The following DGKI variants were observed in gnomAD, a reference collection of about 807,000 sequenced individuals.
DGKI encodes the protein DAG kinase iota.
DGKI carries 55 observed loss-of-function variants against 147.5 expected under a neutral mutation model. That is an observed-to-expected ratio of 0.37 (90% CI 0.30 to 0.47). DGKI has a LOEUF of 0.47. Among genes scored for constraint, DGKI ranks in the 20% least tolerant of loss-of-function variants. The pLI is 1.00. For missense variants in DGKI, 1,007 were observed against 1,323.8 expected (o/e 0.76, Z 3.71); for synonymous variants, 469 against 477.1 (o/e 0.98, Z 0.22).
chr7:137,635,236 T>C (rs2129003222), intron 6 of DGKI, among the ~76,000 whole-genome samples: 1 of 152,240 alleles, frequency 6.6e-6, no homozygotes, highest in African/African-American at 2.4e-5. Context: ...TCCAATAGCA[T>C]GGGTGGCCAG....
chr7:137,562,625 G>A (rs1818454509), intron 19 of DGKI, among the ~76,000 whole-genome samples: 1 of 152,126 alleles, frequency 6.6e-6, no homozygotes, highest in Non-Finnish European at 1.5e-5. Context: ...TATCCAGAAT[G>A]GAGGGGGGAT....
chr7:137,792,270 A>C (rs867827583), intron 1 of DGKI, among the ~76,000 whole-genome samples: 1 of 152,194 alleles, frequency 6.6e-6, no homozygotes. Context: ...ACAGAATATG[A>C]GAAATCAATA....
chr7:137,615,598 TCTG>T (rs1820505780), intron 8 of DGKI, among the ~76,000 whole-genome samples: 2 of 151,670 alleles, frequency 1.3e-5, no homozygotes, highest in Admixed American at 6.6e-5. Flanking sequence ...AACATTTTAC[TCTG>T]CTATTCTCCA....
chr7:137,457,072 A>G (rs1172164256), intron 27 of DGKI, among the ~76,000 whole-genome samples: 1 of 152,246 alleles, frequency 6.6e-6, no homozygotes, highest in African/African-American at 2.4e-5. Context: ...AGTCAAGAAG[A>G]AAAAGAAGAA....
intron 23 of DGKI, among the ~76,000 whole-genome samples, chr7:137,482,798 T>C (rs1165391600): frequency 6.6e-6 from 1 of 152,042 alleles, no homozygotes; most frequent in Non-Finnish European, 1.5e-5. Flanking sequence ...AATTCTGGGC[T>C]TCTTGGATCT....
At chr7:137,638,569 C>T (rs1346963788) in intron 6 of DGKI, among the ~76,000 whole-genome samples, 6 of 14,508 alleles carry the variant, frequency 4.1e-4, no homozygotes, top group South Asian at 2.2e-3. Flanking sequence ...TATATACACA[C>T]ATATATGTAT....
At chr7:137,435,195 G>A (rs938833973) in intron 28 of DGKI, among the ~76,000 whole-genome samples, 2 of 152,180 alleles carry the variant, frequency 1.3e-5, no homozygotes, top group Non-Finnish European at 2.9e-5. Context: ...GCACAGAATA[G>A]GGCAATGTCT....
chr7:137,803,241 T>C (rs1040496990), intron 1 of DGKI, among the ~76,000 whole-genome samples: 1 of 152,130 alleles, frequency 6.6e-6, no homozygotes. Context: ...CCAGTTTTGC[T>C]GGGTTGTAGA....
At chr7:137,634,872 G>C (rs1191186727) in intron 6 of DGKI, among the ~76,000 whole-genome samples, 1 of 152,104 alleles carries the variant, frequency 6.6e-6, no homozygotes, top group Non-Finnish European at 1.5e-5. Flanking sequence ...CCTCCTCATG[G>C]GCATAACTTC....
intron 2 of DGKI, among the ~76,000 whole-genome samples, chr7:137,681,845 G>A (rs1029213128): frequency 6.6e-6 from 1 of 152,232 alleles, no homozygotes; most frequent in Non-Finnish European, 1.5e-5. Context: ...TTTGTCTGGC[G>A]GCCTTGGGCC....
At chr7:137,434,268 T>G (rs1813196806) in intron 28 of DGKI, among the ~76,000 whole-genome samples, 1 of 152,198 alleles carries the variant, frequency 6.6e-6, no homozygotes, top group African/African-American at 2.4e-5. Context: ...TGCAATGCTG[T>G]AGGTAAATTT....
At chr7:137,493,561 C>T (rs1357943749) in intron 21 of DGKI, among the ~76,000 whole-genome samples, 1 of 152,168 alleles carries the variant, frequency 6.6e-6, no homozygotes, top group African/African-American at 2.4e-5. Flanking sequence ...TTGAGCTGAG[C>T]ATTGGCCCCC....
chr7:137,647,751 C>A (rs1183400248), intron 5 of DGKI, among the ~76,000 whole-genome samples: 1 of 152,208 alleles, frequency 6.6e-6, no homozygotes, highest in East Asian at 1.9e-4. Flanking sequence ...GCCTACTCAA[C>A]CGATAAGATG....
intron 23 of DGKI, among the ~76,000 whole-genome samples, chr7:137,471,958 A>C: frequency 7.8e-6 from 1 of 129,030 alleles, no homozygotes; most frequent in East Asian, 2.1e-4. Context: ...TGTATATATT[A>C]TATATTATAT....
chr7:137,685,939 A>G (rs917166522), intron 2 of DGKI, among the ~76,000 whole-genome samples: 1 of 152,040 alleles, frequency 6.6e-6, no homozygotes, highest in African/African-American at 2.4e-5. Flanking sequence ...GTGCCTGTCA[A>G]CTCCCAGCGA....
rs532517490 is a variant in DGKI at position 137,603,315 on chromosome 7, T to C, written c.1168-3410A>G. On this transcript the variant is annotated intron_variant, in intron 10 of 32. Transcript: ENST00000614521. ...CAAAGCACCATAACTCTAGTGTAGGTTGAAACTCTGCTATGTTACTAAGTC... is the reference window on the plus strand; with the variant it reads ...CAAAGCACCATAACTCTAGTGTAGGCTGAAACTCTGCTATGTTACTAAGTC... Among the ~76,000 whole-genome samples the C allele has an allele frequency of 6.3e-4, 96 of 152,298 alleles. 2 individuals are homozygous for C. The highest frequency in any genetic ancestry group is 6.8e-3 in the Middle Eastern group (2 of 294).
At chr7:137,513,258 G>A (rs962716725) in intron 21 of DGKI, among the ~76,000 whole-genome samples, 7 of 151,956 alleles carry the variant, frequency 4.6e-5, no homozygotes, top group African/African-American at 1.2e-4. Flanking sequence ...GGCTGTACTC[G>A]GGAGAACCTG....
At chr7:137,521,721 G>T in intron 21 of DGKI, 145 bp downstream of exon 21, 1 of 627,650 alleles carries the variant, frequency 1.6e-6, no homozygotes. Flanking sequence ...ATCACTTGGA[G>T]CCCACATGTT....
intron 20 of DGKI, among the ~76,000 whole-genome samples, chr7:137,546,644 T>C (rs1454906180): frequency 6.6e-6 from 1 of 152,250 alleles, no homozygotes; most frequent in Non-Finnish European, 1.5e-5. Flanking sequence ...TATTGGAGTC[T>C]ACAGCAGCTG....
Sources: gnomAD v4.1 joint callset for allele counts (sites outside exome capture counted in the v4.1 genomes callset) on GRCh38, gnomAD v4.1.1 for gene constraint, MANE v1.5 for transcripts, NCBI Gene and HGNC (gene_info 2026-07-23, HGNC 2026-07-21) for gene names.